The following NTRK2 variants were observed in gnomAD, a reference collection of about 807,000 sequenced individuals.
NTRK2 encodes BDNF/NT-3 growth factors receptor.
In NTRK2, 13 loss-of-function variants were observed where a neutral mutation model predicts 94.5. That is an observed-to-expected ratio of 0.14 (90% CI 0.09 to 0.22). The LOEUF (loss-of-function observed/expected upper bound fraction) is 0.22, where lower values mean the gene tolerates loss of function less well. NTRK2 is among the 10% of genes least tolerant of loss of function. The pLI is 1.00. For synonymous variants in NTRK2, 372 were observed against 407.4 expected, an observed-to-expected ratio of 0.91 and a Z score of 1.05; for missense variants, 639 against 1,071.2, an observed-to-expected ratio of 0.60 and a Z score of 5.63.
chr9:84,877,174 A>G (rs1189850790), intron 14 of NTRK2: 29 of 1,064,838 alleles, frequency 2.7e-5, no homozygotes, highest in Non-Finnish European at 3.3e-5. Context: ...TTTTAAGTAA[A>G]GTGGATCTTA....
chr9:84,933,180 T>C (rs2078098753), intron 14 of NTRK2, among the ~76,000 whole-genome samples: 1 of 152,138 alleles, frequency 6.6e-6, no homozygotes, highest in Non-Finnish European at 1.5e-5. Flanking sequence ...AACAAGGAGT[T>C]CAGAAAATAA....
chr9:84,861,143 G>A (rs369456330), intron 13 of NTRK2, 56 bp downstream of exon 13: 32 of 1,317,194 alleles, frequency 2.4e-5, no homozygotes, highest in East Asian at 1.2e-4. Flanking sequence ...GTTTTTATTC[G>A]GATGAAAATG....
intron 12 of NTRK2, among the ~76,000 whole-genome samples, chr9:84,789,247 A>G (rs1215739034): frequency 1.3e-5 from 2 of 152,122 alleles, no homozygotes; most frequent in Non-Finnish European, 2.9e-5. Context: ...GCTGGAAGAG[A>G]TGATAACACC....
chr9:84,700,009 G>A (rs2060627517), intron 2 of NTRK2, among the ~76,000 whole-genome samples: 1 of 152,194 alleles, frequency 6.6e-6, no homozygotes, highest in Non-Finnish European at 1.5e-5. Context: ...CTTGTTGTGA[G>A]CATGGAGGAT....
At chr9:84,839,113 C>A (rs888556713) in intron 12 of NTRK2, among the ~76,000 whole-genome samples, 1 of 152,132 alleles carries the variant, frequency 6.6e-6, no homozygotes, top group Non-Finnish European at 1.5e-5. Flanking sequence ...TTATTACCAC[C>A]CATTTGTGGT....
At chr9:84,696,572 C>G (rs756107601) in intron 2 of NTRK2, among the ~76,000 whole-genome samples, 1 of 152,062 alleles carries the variant, frequency 6.6e-6, no homozygotes, top group African/African-American at 2.4e-5. Context: ...TGCTAGGAAA[C>G]GGAGATCAGT....
chr9:84,837,791 AAGAAT>A (rs2073960747), intron 12 of NTRK2, among the ~76,000 whole-genome samples: 1 of 152,214 alleles, frequency 6.6e-6, no homozygotes, highest in Non-Finnish European at 1.5e-5. Context: ...TTGGTAGACT[AAGAAT>A]AGAAGAATGC....
chr9:84,859,968 G>A (rs2075253989), intron 12 of NTRK2, among the ~76,000 whole-genome samples: 1 of 152,156 alleles, frequency 6.6e-6, no homozygotes, highest in South Asian at 2.1e-4. Flanking sequence ...TAGAAGTTGG[G>A]GGGCTGAAGT....
intron 12 of NTRK2, among the ~76,000 whole-genome samples, chr9:84,796,698 T>C: frequency 6.6e-6 from 1 of 152,148 alleles, no homozygotes; most frequent in East Asian, 1.9e-4. Flanking sequence ...AGGAATTGGG[T>C]TGGTGGAATA....
chr9:84,883,024 C>A (rs2076309587), intron 14 of NTRK2, among the ~76,000 whole-genome samples: 1 of 152,158 alleles, frequency 6.6e-6, no homozygotes, highest in Non-Finnish European at 1.5e-5. Context: ...GCCTCAGCCT[C>A]TCAAAGTGCT....
At chr9:84,722,160 CTTTTTTTT>C (rs36100177) in intron 6 of NTRK2, among the ~76,000 whole-genome samples, 31 of 67,080 alleles carry the variant, frequency 4.6e-4, no homozygotes, top group African/African-American at 1.5e-3. Context: ...CTATTAGGGG[CTTTTTTTT>C]TTTTTTTTTT....
In NTRK2 at chr9:84,670,936, T is replaced by C. The variant is rs2058660683; in HGVS notation, c.188T>C (p.Val63Ala). The C allele has an allele frequency of 6.2e-7, 1 of 1,606,590 alleles. No homozygotes were observed. Reference protein sequence around the residue: ...VAFPRLEPNSVDPENITEIFI... With the variant: ...VAFPRLEPNSADPENITEIFI... ...TTTCCGAGATTGGAGCCTAACAGTGTAGATCCTGAGAACATCACCGAAATG... is the reference window on the plus strand; with the variant it reads ...TTTCCGAGATTGGAGCCTAACAGTGCAGATCCTGAGAACATCACCGAAATG... Residue 63 changes from valine (V) to alanine (A), a missense_variant, in exon 2 of 19, where the codon GTA (valine) becomes GCA (alanine). Transcript: ENST00000277120.
intron 12 of NTRK2, among the ~76,000 whole-genome samples, chr9:84,823,864 C>T (rs1449653977): frequency 1.3e-5 from 2 of 152,164 alleles, no homozygotes; most frequent in East Asian, 1.9e-4. Flanking sequence ...GGCTTTCAGA[C>T]GTGGTTCCTT....
intron 12 of NTRK2, among the ~76,000 whole-genome samples, chr9:84,765,475 A>C (rs1430793908): frequency 6.6e-6 from 1 of 152,206 alleles, no homozygotes; most frequent in Non-Finnish European, 1.5e-5. Context: ...AATCACTTGC[A>C]GCCTTTATTT....
chr9:84,845,926 GA>G (rs1176450539), intron 12 of NTRK2, among the ~76,000 whole-genome samples: 2,554 of 135,144 alleles, frequency 0.019, 53 homozygotes, highest in African/African-American at 0.047. Flanking sequence ...ATTAAAATTT[GA>G]AAAAAAAAAA....
At chr9:84,769,717 G>A (rs2066350274) in intron 12 of NTRK2, among the ~76,000 whole-genome samples, 1 of 152,182 alleles carries the variant, frequency 6.6e-6, no homozygotes, top group African/African-American at 2.4e-5. Context: ...CTCCATTAGG[G>A]ACCAGCACAA....
intron 12 of NTRK2, chr9:84,810,791 A>C: frequency 7.1e-7 from 1 of 1,401,560 alleles, no homozygotes; most frequent in African/African-American, 1.4e-5. Flanking sequence ...TGCAGAGGTA[A>C]CTCTCAGGCA....
At chr9:84,907,472 G>A (rs1370018025) in intron 14 of NTRK2, among the ~76,000 whole-genome samples, 1 of 152,276 alleles carries the variant, frequency 6.6e-6, no homozygotes, top group East Asian at 1.9e-4. Flanking sequence ...AAACAGAAAC[G>A]TTCTCTCTGA....
intron 17 of NTRK2, among the ~76,000 whole-genome samples, chr9:84,998,715 G>A (rs4615659): frequency 0.73 from 110,971 of 152,064 alleles, 41,125 homozygotes; most frequent in African/African-American, 0.82. Context: ...TCTGCTTCAC[G>A]GAGAAACTCG....
Sources: allele counts gnomAD v4.1 joint callset (sites outside exome capture counted in the v4.1 genomes callset), GRCh38; gene constraint gnomAD v4.1.1; transcripts MANE v1.5; gene names NCBI Gene and HGNC (gene_info 2026-07-23, HGNC 2026-07-21).